The following CCSER1 variants were observed in gnomAD, a reference collection of about 807,000 sequenced individuals.
The protein encoded by CCSER1 is serine-rich coiled-coil domain-containing protein 1.
A neutral mutation model predicts 82.0 loss-of-function variants in CCSER1; 41 were observed. The observed-to-expected ratio is 0.50, with a 90% CI of 0.39 to 0.65. The LOEUF is 0.65. Among genes scored for constraint, CCSER1 ranks in the 30% least tolerant of loss-of-function variants. The pLI is 0.00. For missense variants in CCSER1, 1,119 were observed against 1,064.2 expected (o/e 1.05, Z -0.72); for synonymous variants, 414 against 383.9 (o/e 1.08, Z -0.92).
chr4:90,155,716 G>A (rs558952080), intron 1 of CCSER1, among the ~76,000 whole-genome samples: 10 of 150,192 alleles, frequency 6.7e-5, no homozygotes, highest in East Asian at 3.9e-4. Context: ...CTGTGGGATC[G>A]TATCCCCTTT....
intron 9 of CCSER1, among the ~76,000 whole-genome samples, chr4:91,017,473 TA>T (rs1240598461): frequency 1.3e-5 from 2 of 152,188 alleles, no homozygotes; most frequent in Admixed American, 6.5e-5. Flanking sequence ...TAAACTCGTG[TA>T]ATGGGGGTTT....
chr4:91,020,532 G>A (rs541083194), intron 9 of CCSER1, among the ~76,000 whole-genome samples: 2 of 152,090 alleles, frequency 1.3e-5, no homozygotes, highest in African/African-American at 4.8e-5. Context: ...TGTGGTGGCG[G>A]GTGCCTGTAG....
intron 1 of CCSER1, among the ~76,000 whole-genome samples, chr4:90,205,983 G>C (rs151118864): frequency 0.016 from 2,481 of 152,122 alleles, 37 homozygotes; most frequent in Non-Finnish European, 0.025. Context: ...GTTTATTTGC[G>C]TAGGGGTGTT....
intron 3 of CCSER1, among the ~76,000 whole-genome samples, chr4:90,392,684 C>T (rs2153539653): frequency 6.6e-6 from 1 of 152,198 alleles, no homozygotes; most frequent in South Asian, 2.1e-4. Flanking sequence ...TGGGACTTGC[C>T]TCCAGAGCAA....
Position 91,122,283 on chromosome 4 carries a change from G to A in CCSER1, c.2217+36289G>A, listed in dbSNP as rs537063957. ...TACTATCTATTAACTTTGTAGACTC[G>A]TAGATACAGAAATAATTCTTGGTCA... is the stretch of plus-strand genomic sequence containing the variant. On this transcript the variant is annotated intron_variant, in intron 10 of 10. Coordinates refer to ENST00000509176, the MANE Select transcript of CCSER1 (RefSeq NM_001145065.2). Among the ~76,000 whole-genome samples, 17 of 151,768 alleles carry A rather than the reference G, an allele frequency of 1.1e-4. No individual in the cohort carries two copies. The South Asian group carries it at 1.5e-3, about 13-fold the overall frequency.
chr4:90,243,062 C>CT (rs745465024), intron 1 of CCSER1, among the ~76,000 whole-genome samples: 9,179 of 126,928 alleles, frequency 0.072, 497 homozygotes, highest in East Asian at 0.23. Context: ...CTCTCTCTCT[C>CT]TTTTTTTTTT....
At chr4:91,465,348 T>A (rs1208927965) in intron 10 of CCSER1, among the ~76,000 whole-genome samples, 3 of 152,102 alleles carry the variant, frequency 2.0e-5, no homozygotes, top group Admixed American at 2.0e-4. Flanking sequence ...TGGGACACAT[T>A]TAAAGCAGTG....
chr4:90,931,203 C>T (rs1451297234), intron 9 of CCSER1, among the ~76,000 whole-genome samples: 3 of 150,838 alleles, frequency 2.0e-5, no homozygotes, highest in Admixed American at 6.6e-5. Context: ...ACAAATAAGA[C>T]ATAGGTACAA....
chr4:90,353,201 G>A (rs573097742), intron 3 of CCSER1, among the ~76,000 whole-genome samples: 19 of 151,934 alleles, frequency 1.3e-4, no homozygotes, highest in Non-Finnish European at 2.4e-4. Flanking sequence ...GTTGGGATGG[G>A]CATTGAGATG....
intron 10 of CCSER1, among the ~76,000 whole-genome samples, chr4:91,330,373 C>T (rs1746862745): frequency 6.6e-6 from 1 of 152,134 alleles, no homozygotes; most frequent in South Asian, 2.1e-4. Flanking sequence ...CATGGTGCTT[C>T]AAGTCACCGA....
chr4:91,408,079 C>T (rs1752807092), intron 10 of CCSER1, among the ~76,000 whole-genome samples: 1 of 151,914 alleles, frequency 6.6e-6, no homozygotes, highest in South Asian at 2.1e-4. Flanking sequence ...GAGTACTAAT[C>T]CTTTAGCACA....
At chr4:91,309,804 T>C (rs1299737189) in intron 10 of CCSER1, among the ~76,000 whole-genome samples, 1 of 151,938 alleles carries the variant, frequency 6.6e-6, no homozygotes, top group East Asian at 1.9e-4. Context: ...CCAATGTGAA[T>C]CTGGATTTGG....
At chr4:91,179,483 T>G (rs1733772216) in intron 10 of CCSER1, among the ~76,000 whole-genome samples, 1 of 152,232 alleles carries the variant, frequency 6.6e-6, no homozygotes, top group Admixed American at 6.5e-5. Context: ...CCATATTTCT[T>G]GGAGGCTTTG....
chr4:91,469,523 C>T (rs778763937), intron 10 of CCSER1, among the ~76,000 whole-genome samples: 1 of 152,126 alleles, frequency 6.6e-6, no homozygotes, highest in South Asian at 2.1e-4. Context: ...CCCCTGTTAT[C>T]CTTCACATTG....
intron 9 of CCSER1, among the ~76,000 whole-genome samples, chr4:90,973,009 C>T (rs1309946980): frequency 1.3e-5 from 2 of 151,608 alleles, no homozygotes; most frequent in Non-Finnish European, 2.9e-5. Context: ...ATATAAAAGT[C>T]AACTCAAAGT....
intron 4 of CCSER1, among the ~76,000 whole-genome samples, chr4:90,455,268 T>C (rs1334881136): frequency 1.3e-5 from 2 of 152,210 alleles, no homozygotes; most frequent in Admixed American, 6.5e-5. Context: ...AGAACATAAT[T>C]CAGCCACACC....
intron 8 of CCSER1, among the ~76,000 whole-genome samples, chr4:90,840,031 AAT>A (rs1483779069): frequency 1.3e-5 from 2 of 151,956 alleles, no homozygotes; most frequent in Admixed American, 6.6e-5. Context: ...AATATAATAC[AAT>A]ATATGTTATA....
chr4:91,458,984 C>A (rs1049450538), intron 10 of CCSER1, among the ~76,000 whole-genome samples: 1 of 151,842 alleles, frequency 6.6e-6, no homozygotes, highest in African/African-American at 2.4e-5. Context: ...AATGTAGGAA[C>A]AAAATATTAT....
At chr4:90,642,865 A>G (rs576292550) in intron 6 of CCSER1, among the ~76,000 whole-genome samples, 107 of 149,320 alleles carry the variant, frequency 7.2e-4, no homozygotes, top group African/African-American at 2.4e-3. Context: ...AAAAATAAAT[A>G]CATACATACA....
Sources: allele counts gnomAD v4.1 joint callset (sites outside exome capture counted in the v4.1 genomes callset), GRCh38; gene constraint gnomAD v4.1.1; transcripts MANE v1.5; gene names NCBI Gene and HGNC (gene_info 2026-07-23, HGNC 2026-07-21).